NELL2: variants seen among roughly 807,000 people sequenced by gnomAD.
NELL2 encodes neural EGFL like 2, also known as protein kinase C-binding protein NELL2.
Under a neutral mutation model 109.6 loss-of-function variants are expected in NELL2, and 41 were observed. The observed-to-expected ratio is 0.37, with a 90% CI of 0.29 to 0.49. The LOEUF (loss-of-function observed/expected upper bound fraction) is 0.49. Ranked by LOEUF, NELL2 falls within the 20% of genes least tolerant of loss-of-function variation. The probability of loss-of-function intolerance (pLI) is 0.98; values close to 1 mark genes in which losing one functional copy is unlikely to be tolerated. For missense variants in NELL2, 900 were observed against 1,008.3 expected, an observed-to-expected ratio of 0.89 and a Z score of 1.45; for synonymous variants, 355 against 344.7, an observed-to-expected ratio of 1.03 and a Z score of -0.33.
At chr12:44,790,176 A>G (rs1196656074) in intron 3 of NELL2, among the ~76,000 whole-genome samples, 1 of 152,168 alleles carries the variant, frequency 6.6e-6, no homozygotes, top group Non-Finnish European at 1.5e-5. Flanking sequence ...CATTATCATC[A>G]GGTTATCTAA....
chr12:44,687,200 A>C (rs1158695291), intron 12 of NELL2, among the ~76,000 whole-genome samples: 1 of 152,202 alleles, frequency 6.6e-6, no homozygotes, highest in South Asian at 2.1e-4. Flanking sequence ...TTCTTTGACT[A>C]GGAAAGGGAA....
At chr12:44,771,774 T>C (rs976172732) in intron 9 of NELL2, among the ~76,000 whole-genome samples, 4 of 152,210 alleles carry the variant, frequency 2.6e-5, no homozygotes, top group African/African-American at 7.2e-5. Flanking sequence ...AGTATTTATA[T>C]TCAGATAACG....
rs146984211 is a variant in NELL2 at position 44,685,531 on chromosome 12, A to C, written c.1318+18195T>G. 1.7e-3 allele frequency among the ~76,000 whole-genome samples: 260 copies of C among 152,150 alleles called. 2 individuals are homozygous for C. In the East Asian group the frequency reaches 0.018, roughly 10 times the overall value. ...GTCTCGATGGTCTTTACATTTTGGC[A>C]TGATTTTGCAGCAGGTGGTACTGGT... On this transcript the variant is annotated intron_variant, in intron 12 of 19. Transcript: ENST00000429094.
chr12:44,511,415 CTGTG>C (rs1940998139), intron 19 of NELL2, among the ~76,000 whole-genome samples: 1 of 152,164 alleles, frequency 6.6e-6, no homozygotes, highest in South Asian at 2.1e-4. Flanking sequence ...GGAAAATGTA[CTGTG>C]TGAGTGTTGT....
chr12:44,746,719 C>T (rs1592451828), intron 9 of NELL2, among the ~76,000 whole-genome samples: 1 of 152,152 alleles, frequency 6.6e-6, no homozygotes. Flanking sequence ...CACTGGCCAT[C>T]AGAGAAATGC....
intron 19 of NELL2, among the ~76,000 whole-genome samples, chr12:44,511,692 A>T (rs1783812090): frequency 6.6e-6 from 1 of 152,220 alleles, no homozygotes; most frequent in African/African-American, 2.4e-5. Context: ...AGGTTGAAAG[A>T]TATGAGAAGA....
At chr12:44,644,399 T>C (rs1592259325) in intron 13 of NELL2, among the ~76,000 whole-genome samples, 1 of 151,564 alleles carries the variant, frequency 6.6e-6, no homozygotes, top group Non-Finnish European at 1.5e-5. Flanking sequence ...TATTGCTATT[T>C]AAAAGGTATG....
chr12:44,779,183 G>A (rs1228117947), intron 5 of NELL2, among the ~76,000 whole-genome samples: 1 of 152,170 alleles, frequency 6.6e-6, no homozygotes, highest in Non-Finnish European at 1.5e-5. Context: ...TAAAGGAAAA[G>A]ATATAAATTA....
At chr12:44,532,022 A>T (rs1942085517) in intron 16 of NELL2, among the ~76,000 whole-genome samples, 1 of 152,192 alleles carries the variant, frequency 6.6e-6, no homozygotes, top group African/African-American at 2.4e-5. Flanking sequence ...ATTGAATATA[A>T]TCTGATTGAA....
At chr12:44,798,258 T>G (rs1942703065) in intron 3 of NELL2, among the ~76,000 whole-genome samples, 1 of 151,894 alleles carries the variant, frequency 6.6e-6, no homozygotes, top group Non-Finnish European at 1.5e-5. Context: ...TATAAGAATT[T>G]GAAATAAATA....
upstream of NELL2, among the ~76,000 whole-genome samples, chr12:44,917,188 T>G (rs962882260): frequency 2.6e-5 from 4 of 152,200 alleles, no homozygotes; most frequent in African/African-American, 9.6e-5. Flanking sequence ...CCAAGGTAGA[T>G]TTACTGCAAG....
intron 9 of NELL2, among the ~76,000 whole-genome samples, chr12:44,762,937 T>G (rs1490807866): frequency 6.6e-6 from 1 of 152,222 alleles, no homozygotes; most frequent in Non-Finnish European, 1.5e-5. Context: ...AATTTCTATA[T>G]GCCTAGAACA....
chr12:44,539,436 A>G (rs577267022), intron 15 of NELL2, among the ~76,000 whole-genome samples: 1 of 152,102 alleles, frequency 6.6e-6, no homozygotes, highest in Non-Finnish European at 1.5e-5. Context: ...AAATCTTTAT[A>G]TTATTGTACC....
chr12:44,617,764 GCAA>G (rs1337174624), intron 13 of NELL2, among the ~76,000 whole-genome samples: 3 of 150,480 alleles, frequency 2.0e-5, no homozygotes, highest in African/African-American at 7.3e-5. Context: ...AAAATTGCTT[GCAA>G]CAATAAGGAC....
At chr12:44,642,377 C>T (rs1309055933) in intron 13 of NELL2, among the ~76,000 whole-genome samples, 2 of 152,078 alleles carry the variant, frequency 1.3e-5, no homozygotes, top group African/African-American at 4.8e-5. Flanking sequence ...CATAATAAAA[C>T]AATGTTCATA....
At chr12:44,702,501 AG>A (rs1949260343) in intron 12 of NELL2, among the ~76,000 whole-genome samples, 1 of 152,216 alleles carries the variant, frequency 6.6e-6, no homozygotes, top group Non-Finnish European at 1.5e-5. Flanking sequence ...TGTATCATGT[AG>A]TTTCATGTTA....
At chr12:44,729,706 ATTTT>A (rs34492664) in intron 9 of NELL2, among the ~76,000 whole-genome samples, 1 of 147,328 alleles carries the variant, frequency 6.8e-6, no homozygotes, top group Non-Finnish European at 1.5e-5. Context: ...AGCTTCCAGG[ATTTT>A]TTTTTTTTTG....
Position 44,508,980 on chromosome 12 carries a change from C to G in NELL2, c.2405G>C (p.Gly802Ala). The change falls in exon 20 of 20, where the codon GGC (glycine) becomes GCC (alanine). Residue 802 changes from glycine (G) to alanine (A), a missense_variant. Physicochemically the swap from Gly to Ala is moderately conservative, Grantham distance 60. Coordinates refer to ENST00000429094, the MANE Select transcript of NELL2 (RefSeq NM_001145108.2). ...TECTLCQCKN[G>A]HICCSVDPQC... ...TGGATCCACTGAGCAACAGATGTGGCCATTCTAGATTTAAAAAAAGTAGAA... is the reference window on the plus strand; with the variant it reads ...TGGATCCACTGAGCAACAGATGTGGGCATTCTAGATTTAAAAAAAGTAGAA... The G allele has an allele frequency of 6.2e-7, 1 of 1,611,836 alleles. No homozygotes were observed. The highest frequency in any genetic ancestry group is 2.2e-5 in the East Asian group (1 of 44,826).
chr12:44,867,157 C>T (rs1228620633), intron 2 of NELL2, among the ~76,000 whole-genome samples: 1 of 152,046 alleles, frequency 6.6e-6, no homozygotes, highest in Non-Finnish European at 1.5e-5. Context: ...TACTATGACA[C>T]CAAAGCCAAA....
Sources: gnomAD v4.1 joint callset for allele counts (sites outside exome capture counted in the v4.1 genomes callset) on GRCh38, gnomAD v4.1.1 for gene constraint, MANE v1.5 for transcripts, NCBI Gene and HGNC (gene_info 2026-07-23, HGNC 2026-07-21) for gene names.